Variants in SPRED2 observed in about 807,000 individuals in gnomAD.
SPRED2 encodes sprouty related EVH1 domain containing 2, also known as sprouty-related, EVH1 domain-containing protein 2.
In SPRED2, 47 loss-of-function variants were observed where a neutral mutation model predicts 43.0. That is an observed-to-expected ratio of 1.09 (90% confidence interval 0.87 to 1.40). The LOEUF is 1.40. Among genes scored for constraint, SPRED2 ranks in the 40% most tolerant of loss-of-function variants. The probability of loss-of-function intolerance (pLI) is 0.00; values close to 1 mark genes in which losing one functional copy is unlikely to be tolerated. For missense variants in SPRED2, 561 were observed against 586.4 expected (o/e 0.96, Z 0.45); for synonymous variants, 225 against 225.7 (o/e 1.00, Z 0.03).
chr2:65,385,977 G>A (rs1212581145), intron 1 of SPRED2, among the ~76,000 whole-genome samples: 1 of 152,138 alleles, frequency 6.6e-6, no homozygotes, highest in Non-Finnish European at 1.5e-5. Context: ...GAAGGGGGAT[G>A]ATATTGTATC....
rs547478024 is a variant in SPRED2 at position 65,320,283 on chromosome 2, C to T, written c.439-3400G>A. 5.3e-4 allele frequency among the ~76,000 whole-genome samples: 81 copies of T among 152,336 alleles called. 3 individuals are homozygous for T. The Middle Eastern group carries it at 0.02, about 38-fold the overall frequency. ...AGCCCATTTAACACACCACGGTCAC[C>T]ACTGTGTTAGTCATCTGTTCACCCT... On this transcript the variant is annotated intron_variant, in intron 4 of 5. Coordinates refer to ENST00000356388, the MANE Select transcript of SPRED2 (RefSeq NM_181784.3).
At chr2:65,366,828 T>A in intron 1 of SPRED2, 1 of 1,221,518 alleles carries the variant, frequency 8.2e-7, no homozygotes, top group African/African-American at 1.6e-5. Context: ...GTGTCATTAC[T>A]CACATTCAAC....
At chr2:65,399,728 C>T (rs1197321113) in intron 1 of SPRED2, among the ~76,000 whole-genome samples, 1 of 152,076 alleles carries the variant, frequency 6.6e-6, no homozygotes, top group African/African-American at 2.4e-5. Context: ...GAATGGAAAA[C>T]CAAACATCAT....
At chr2:65,318,709 T>C (rs1461931679) in intron 4 of SPRED2, among the ~76,000 whole-genome samples, 1 of 152,112 alleles carries the variant, frequency 6.6e-6, no homozygotes, top group Non-Finnish European at 1.5e-5. Context: ...TTTTGCTTTG[T>C]CACCCAAGCT....
chr2:65,385,554 A>G, intron 1 of SPRED2, among the ~76,000 whole-genome samples: 1 of 152,134 alleles, frequency 6.6e-6, no homozygotes, highest in East Asian at 1.9e-4. Context: ...GGGAGTTAGG[A>G]GAGTCAGCAT....
intron 1 of SPRED2, among the ~76,000 whole-genome samples, chr2:65,360,138 A>G (rs149632984): frequency 0.019 from 2,958 of 151,866 alleles, 47 homozygotes; most frequent in Middle Eastern, 0.038. Context: ...ACCACTGCTC[A>G]AGACAGGACA....
At chr2:65,340,679 A>G (rs1674149964) in intron 2 of SPRED2, among the ~76,000 whole-genome samples, 1 of 152,218 alleles carries the variant, frequency 6.6e-6, no homozygotes, top group Admixed American at 6.5e-5. Context: ...TCTGGAACAG[A>G]GACTTTTCCC....
At chr2:65,376,181 T>C (rs1027150083) in intron 1 of SPRED2, among the ~76,000 whole-genome samples, 1 of 152,194 alleles carries the variant, frequency 6.6e-6, no homozygotes, top group African/African-American at 2.4e-5. Flanking sequence ...AGTTAAACTT[T>C]AGAGGCTGTC....
intron 4 of SPRED2, 107 bp downstream of exon 4, chr2:65,331,880 A>G: frequency 1.2e-6 from 1 of 821,974 alleles, no homozygotes; most frequent in Non-Finnish European, 2.0e-6. Context: ...CCATCCAAAC[A>G]GCAACAGCAA....
At chr2:65,344,581 T>C in intron 2 of SPRED2, 138 bp downstream of exon 2, 1 of 1,195,102 alleles carries the variant, frequency 8.4e-7, no homozygotes, top group Non-Finnish European at 1.2e-6. Flanking sequence ...GCTCCGGGGT[T>C]CTAACTTTTG....
chr2:65,402,984 C>T (rs983467596), intron 1 of SPRED2, among the ~76,000 whole-genome samples: 4 of 152,124 alleles, frequency 2.6e-5, no homozygotes, highest in Non-Finnish European at 4.4e-5. Flanking sequence ...ACACTTCTGC[C>T]AAAGAATTTA....
At chr2:65,319,458 T>C (rs1416194046) in intron 4 of SPRED2, among the ~76,000 whole-genome samples, 4 of 152,142 alleles carry the variant, frequency 2.6e-5, no homozygotes, top group South Asian at 2.1e-4. Context: ...CTTAGTCCCT[T>C]TGAGCTGCTG....
intron 1 of SPRED2, among the ~76,000 whole-genome samples, chr2:65,405,950 A>G (rs141041824): frequency 6.6e-6 from 1 of 152,184 alleles, no homozygotes; most frequent in Non-Finnish European, 1.5e-5. Context: ...CCCTCTTGCA[A>G]TGGGCAGAAC....
chr2:65,338,858 C>A (rs1372087373), intron 2 of SPRED2, among the ~76,000 whole-genome samples: 2 of 151,414 alleles, frequency 1.3e-5, no homozygotes, highest in Non-Finnish European at 3.0e-5. Flanking sequence ...GTGAGGAGCG[C>A]CTCCTCCCGG....
At chr2:65,339,085 C>T (rs1181121497) in intron 2 of SPRED2, among the ~76,000 whole-genome samples, 18 of 89,774 alleles carry the variant, frequency 2.0e-4, no homozygotes, top group East Asian at 6.5e-4. Flanking sequence ...CCGCTCCGTC[C>T]GGGAGGGAGG....
At chr2:65,404,732 C>T (rs905460785) in intron 1 of SPRED2, among the ~76,000 whole-genome samples, 6 of 152,268 alleles carry the variant, frequency 3.9e-5, no homozygotes, top group East Asian at 3.9e-4. Flanking sequence ...AGCCACCTAG[C>T]GAGCAAACAG....
intron 3 of SPRED2, among the ~76,000 whole-genome samples, chr2:65,333,271 A>AG (rs939488780): frequency 3.3e-5 from 5 of 152,136 alleles, no homozygotes; most frequent in African/African-American, 1.2e-4. Flanking sequence ...AAAAAAAAAA[A>AG]AAAAGAAAAA....
chr2:65,359,151 T>C (rs1674735979), intron 1 of SPRED2, among the ~76,000 whole-genome samples: 1 of 152,172 alleles, frequency 6.6e-6, no homozygotes, highest in Admixed American at 6.5e-5. Flanking sequence ...TCATAGGATA[T>C]AGTCATGATG....
At chr2:65,329,443 T>C (rs1027952246) in intron 4 of SPRED2, among the ~76,000 whole-genome samples, 3 of 152,190 alleles carry the variant, frequency 2.0e-5, no homozygotes, top group Non-Finnish European at 2.9e-5. Context: ...TGAAGGCAAT[T>C]GATCGCAGAC....
Sources: gnomAD v4.1 joint callset for allele counts (sites outside exome capture counted in the v4.1 genomes callset) on GRCh38, gnomAD v4.1.1 for gene constraint, MANE v1.5 for transcripts, NCBI Gene and HGNC (gene_info 2026-07-23, HGNC 2026-07-21) for gene names.